The following UBR2 variants were observed in gnomAD, a reference collection of about 807,000 sequenced individuals.
UBR2 encodes ubiquitin protein ligase E3 component n-recognin 2.
A neutral mutation model predicts 247.9 loss-of-function variants in UBR2; 92 were observed. The observed-to-expected ratio is 0.37, with a 90% CI of 0.31 to 0.44. The LOEUF (loss-of-function observed/expected upper bound fraction) is 0.44, where lower values mean the gene tolerates loss of function less well. UBR2 is among the 20% of genes least tolerant of loss of function. UBR2 has a pLI of 1.00. For synonymous variants in UBR2, 672 were observed against 693.5 expected (o/e 0.97, Z 0.49); for missense variants, 1,613 against 2,112.6 (o/e 0.76, Z 4.64).
At chr6:42,615,304 T>C (rs1794472427) in intron 9 of UBR2, 126 bp downstream of exon 9, 1 of 601,292 alleles carries the variant, frequency 1.7e-6, no homozygotes, top group South Asian at 5.6e-5. Context: ...AGCATTGCAG[T>C]CTTAGTCTTT....
chr6:42,581,289 A>G (rs1791884770), intron 2 of UBR2, among the ~76,000 whole-genome samples: 1 of 151,652 alleles, frequency 6.6e-6, no homozygotes, highest in South Asian at 2.1e-4. Flanking sequence ...TTCTGGTTTC[A>G]AGCAATTCTC....
At chr6:42,579,068 A>G (rs1006293178) in intron 2 of UBR2, among the ~76,000 whole-genome samples, 1 of 152,206 alleles carries the variant, frequency 6.6e-6, no homozygotes, top group African/African-American at 2.4e-5. Context: ...TTGCATTGCT[A>G]TAAAGAAATA....
intron 44 of UBR2, among the ~76,000 whole-genome samples, chr6:42,687,113 C>T (rs1193682497): frequency 6.6e-6 from 1 of 152,228 alleles, no homozygotes; most frequent in Admixed American, 6.5e-5. Context: ...AATCTCCGCA[C>T]TTTGGGAGGC....
chr6:42,571,607 G>A (rs1342090707), intron 1 of UBR2, among the ~76,000 whole-genome samples: 1 of 151,576 alleles, frequency 6.6e-6, no homozygotes, highest in Non-Finnish European at 1.5e-5. Flanking sequence ...GCCGCGTGTG[G>A]TGGTGCACAC....
At chr6:42,614,373 T>TAC (rs1466656805) in intron 8 of UBR2, among the ~76,000 whole-genome samples, 41 of 46,884 alleles carry the variant, frequency 8.7e-4, no homozygotes, top group Non-Finnish European at 1.1e-3. Flanking sequence ...TGTGTGTATG[T>TAC]GTGTATATAT....
intron 2 of UBR2, among the ~76,000 whole-genome samples, chr6:42,574,284 T>C (rs1791358869): frequency 6.6e-6 from 1 of 152,220 alleles, no homozygotes; most frequent in East Asian, 1.9e-4. Flanking sequence ...CTTTTCTTGA[T>C]ATTTTTTAGT....
intron 5 of UBR2, among the ~76,000 whole-genome samples, chr6:42,605,424 A>G (rs1716753038): frequency 6.6e-6 from 1 of 152,190 alleles, no homozygotes; most frequent in African/African-American, 2.4e-5. Flanking sequence ...ACTGATAGCC[A>G]ATTCTGACTT....
intron 31 of UBR2, among the ~76,000 whole-genome samples, chr6:42,662,586 T>C (rs1797879191): frequency 6.6e-6 from 1 of 152,222 alleles, no homozygotes; most frequent in South Asian, 2.1e-4. Context: ...AGGGTAATGT[T>C]GTCTTTCTTT....
At chr6:42,656,651 C>T (rs571790685) in intron 26 of UBR2, among the ~76,000 whole-genome samples, 5 of 152,284 alleles carry the variant, frequency 3.3e-5, no homozygotes, top group South Asian at 4.2e-4. Context: ...TCTTCCTAAA[C>T]GATAACTGTG....
Position 42,688,159 on chromosome 6 carries a change from A to G in UBR2, c.4854-57A>G, listed in dbSNP as rs568236623. The G allele has an allele frequency of 2.5e-5, 41 of 1,610,500 alleles. No homozygotes were observed. The African/African-American group carries it at 4.9e-4, about 19-fold the overall frequency. On this transcript the variant is annotated intron_variant, in intron 44 of 46. Coordinates refer to ENST00000372901, the MANE Select transcript of UBR2 (RefSeq NM_001363705.2). ...TCTTTTCTGGGCTGGTTTTTTCATCACTAGCTCTTTAGCCACTCTTTAGAT... is the reference window on the plus strand; with the variant it reads ...TCTTTTCTGGGCTGGTTTTTTCATCGCTAGCTCTTTAGCCACTCTTTAGAT...
Position 42,658,280 on chromosome 6 carries a change from C to G in UBR2, c.3023C>G (p.Thr1008Ser). The change falls in exon 28 of 47, where the codon ACC becomes AGC. Residue 1008 changes from threonine (T) to serine (S), a missense_variant. Physicochemically the swap from Thr to Ser is moderately conservative, Grantham distance 58. This residue lies in a region of UBR2 where 1,524 missense variants were observed against 1,967.3 expected (regional missense o/e 0.77). Coordinates refer to ENST00000372901, the MANE Select transcript of UBR2 (RefSeq NM_001363705.2). ...AVKKMRESSP[T>S]SPVAETEGTI... ...AAAAAGATGAGGGAGAGTTCACCTACCAGTCCCGTGGCAGAGACAGAAGGA... is the reference window on the plus strand; with the variant it reads ...AAAAAGATGAGGGAGAGTTCACCTAGCAGTCCCGTGGCAGAGACAGAAGGA... The G allele has an allele frequency of 1.2e-6, 2 of 1,613,616 alleles. No homozygotes were observed. Among genetic ancestry groups the G allele is most frequent in the Non-Finnish European group, 1.7e-6 (2 of 1,179,888 alleles).
Position 42,619,449 on chromosome 6 carries a change from A to G in UBR2, c.1281+1942A>G. The stretch of plus-strand genomic sequence containing the variant: ...TATATATATATATATATATATATAT[A>G]TATATTTTTTTTTTTTAGTTCTCTA... On this transcript the variant is annotated intron_variant, in intron 11 of 46. Transcript: ENST00000372901. 7.0e-5 allele frequency: 2 copies of G among 28,456 alleles called. 1 individual carries two copies. Among genetic ancestry groups the G allele is most frequent in the Non-Finnish European group, 1.4e-4 (2 of 14,576 alleles). The allele number at this position is 28,456 out of a possible 1,614,324, so 1.8% of individuals were successfully genotyped here.
intron 4 of UBR2, among the ~76,000 whole-genome samples, chr6:42,600,625 CAAAAAAAAAAAA>C: frequency 9.4e-6 from 1 of 106,144 alleles, no homozygotes; most frequent in South Asian, 3.2e-4. Context: ...GTTACTGTAG[CAAAAAAAAAAAA>C]AAAAAAAAAA....
chr6:42,619,842 C>G (rs1036155533), intron 11 of UBR2: 4 of 588,688 alleles, frequency 6.8e-6, no homozygotes, highest in Non-Finnish European at 8.5e-6. Context: ...CTCAGCCTCC[C>G]AAGTAGCTGG....
At position 42,693,339 on chromosome 6, in the gene UBR2, A is replaced by G. The variant is rs544776849; in HGVS notation, c.*2166A>G. 7.2e-5 allele frequency: 11 copies of G among 152,302 alleles called. No individual in the cohort carries two copies. The highest frequency in any genetic ancestry group is 6.5e-4 in the Admixed American group (10 of 15,298). The allele number at this position is 152,302 out of a possible 1,614,324, so 9.4% of individuals were successfully genotyped here. On this transcript the variant is annotated 3_prime_UTR_variant, in exon 47 of 47. Transcript: ENST00000372901. ...GATTTGTTCCGCATGTTTTATGTTT[A>G]TTGTAGAAATGTTTATATAACATAC...
chr6:42,684,765 G>T (rs888028784), intron 43 of UBR2, 29 bp from the exon 44 acceptor site: 1 of 1,540,744 alleles, frequency 6.5e-7, no homozygotes, highest in South Asian at 1.1e-5. Flanking sequence ...AATTAATGGA[G>T]TGTTCTTTAA....
intron 11 of UBR2, among the ~76,000 whole-genome samples, chr6:42,626,768 A>G (rs1795374872): frequency 6.6e-6 from 1 of 152,190 alleles, no homozygotes; most frequent in South Asian, 2.1e-4. Flanking sequence ...GCTTCCTTAT[A>G]TAACTTTAGA....
At chr6:42,632,429 G>C in intron 11 of UBR2, 123 bp from the exon 12 acceptor site, 1 of 788,746 alleles carries the variant, frequency 1.3e-6, no homozygotes, top group East Asian at 3.0e-5. Flanking sequence ...ATGCATTTAT[G>C]ATATATAGTT....
At chr6:42,573,093 G>A (rs1162968287) in intron 1 of UBR2, among the ~76,000 whole-genome samples, 1 of 152,120 alleles carries the variant, frequency 6.6e-6, no homozygotes, top group Non-Finnish European at 1.5e-5. Flanking sequence ...TGGTACCTAT[G>A]AGATCTAAGT....
Sources: allele counts gnomAD v4.1 joint callset (sites outside exome capture counted in the v4.1 genomes callset), GRCh38; gene constraint gnomAD v4.1.1; regional missense constraint gnomAD v4.1.1; transcripts MANE v1.5; gene names NCBI Gene and HGNC (gene_info 2026-07-23, HGNC 2026-07-21).